ARB2A: variants seen among roughly 807,000 people sequenced by gnomAD.
The protein encoded by ARB2A is ARB2 cotranscriptional regulator A.
chr5:93,938,201 C>G, the ARB2A span, among the ~76,000 whole-genome samples: 1 of 152,046 alleles, frequency 6.6e-6, no homozygotes, highest in Non-Finnish European at 1.5e-5. Flanking sequence ...AATGCTTAAG[C>G]AAATAATTTA....
At chr5:93,928,619 T>C in the ARB2A span, among the ~76,000 whole-genome samples, 1 of 152,168 alleles carries the variant, frequency 6.6e-6, no homozygotes, top group Non-Finnish European at 1.5e-5. Context: ...TTTAAAAAGT[T>C]TTCCCCAGCT....
At chr5:93,904,085 G>A in the ARB2A span, among the ~76,000 whole-genome samples, 1 of 151,664 alleles carries the variant, frequency 6.6e-6, no homozygotes, top group Admixed American at 6.6e-5. Flanking sequence ...TTGAAAGGAA[G>A]GAAAGAAAAA....
At chr5:93,780,018 A>T in the ARB2A span, among the ~76,000 whole-genome samples, 1 of 152,212 alleles carries the variant, frequency 6.6e-6, no homozygotes, top group Non-Finnish European at 1.5e-5. Context: ...TAAAGAGAAA[A>T]GCAGGTAGTA....
At chr5:93,736,316 T>C in the ARB2A span, 2 of 152,194 alleles carry the variant, frequency 1.3e-5, no homozygotes, top group African/African-American at 4.8e-5. Flanking sequence ...AAAACTAAAG[T>C]TGTTACAATT....
the ARB2A span, among the ~76,000 whole-genome samples, chr5:93,988,280 C>G: frequency 6.6e-6 from 1 of 152,084 alleles, no homozygotes; most frequent in Non-Finnish European, 1.5e-5. Context: ...TCCCAGTGCC[C>G]CTAGAATAAT....
At chr5:93,718,553 T>G in the ARB2A span, among the ~76,000 whole-genome samples, 2 of 152,184 alleles carry the variant, frequency 1.3e-5, no homozygotes, top group South Asian at 4.1e-4. Context: ...ATGTAATGTA[T>G]GTTAAAGTAG....
At chr5:93,894,757 A>G in the ARB2A span, among the ~76,000 whole-genome samples, 2 of 152,168 alleles carry the variant, frequency 1.3e-5, no homozygotes, top group Admixed American at 6.6e-5. Flanking sequence ...CTACAAACTC[A>G]GCTGAGAGCC....
chr5:93,885,172 T>C, the ARB2A span, among the ~76,000 whole-genome samples: 1 of 151,536 alleles, frequency 6.6e-6, no homozygotes. Context: ...ACTCAATCAG[T>C]ACACAACAAA....
chr5:93,876,020 T>C, the ARB2A span, among the ~76,000 whole-genome samples: 2 of 152,212 alleles, frequency 1.3e-5, no homozygotes, highest in Admixed American at 1.3e-4. Context: ...ACAGATGCTT[T>C]AAAAAATAAT....
chr5:94,056,017 T>C, the ARB2A span: 12 of 679,746 alleles, frequency 1.8e-5, no homozygotes, highest in Middle Eastern at 7.7e-4. Flanking sequence ...TATTATCATA[T>C]TCACTGTCTT....
At chr5:93,740,637 G>C in the ARB2A span, 1 of 1,613,224 alleles carries the variant, frequency 6.2e-7, no homozygotes, top group Non-Finnish European at 8.5e-7. Context: ...CCCCTGCAGA[G>C]TAGAGACGTG....
At chr5:93,986,264 A>T in the ARB2A span, among the ~76,000 whole-genome samples, 1 of 145,998 alleles carries the variant, frequency 6.8e-6, no homozygotes. Context: ...TCCACCCAGC[A>T]GCCGCCCCAT....
the ARB2A span, among the ~76,000 whole-genome samples, chr5:93,757,471 G>A: frequency 6.6e-6 from 1 of 152,204 alleles, no homozygotes; most frequent in Non-Finnish European, 1.5e-5. Context: ...CTTAAGAGCT[G>A]TAAGACAGAA....
chr5:94,025,716 T>G, the ARB2A span, among the ~76,000 whole-genome samples: 1 of 152,256 alleles, frequency 6.6e-6, no homozygotes, highest in African/African-American at 2.4e-5. Context: ...TTTAAATAAC[T>G]GAATGAATGT....
the ARB2A span, among the ~76,000 whole-genome samples, chr5:93,763,886 T>G: frequency 6.6e-6 from 1 of 152,132 alleles, no homozygotes; most frequent in Non-Finnish European, 1.5e-5. Context: ...AACTCAGGAT[T>G]AGGAAACTCA....
At chr5:93,958,234 T>G in the ARB2A span, among the ~76,000 whole-genome samples, 1 of 152,074 alleles carries the variant, frequency 6.6e-6, no homozygotes, top group Non-Finnish European at 1.5e-5. Context: ...TGTCTATGTC[T>G]CATGCTTAAA....
At chr5:93,844,072 T>G in the ARB2A span, among the ~76,000 whole-genome samples, 22 of 150,782 alleles carry the variant, frequency 1.5e-4, no homozygotes, top group African/African-American at 4.9e-4. Flanking sequence ...TCAGAACAAT[T>G]TCGGACTTTT....
the ARB2A span, among the ~76,000 whole-genome samples, chr5:93,840,639 C>T: frequency 1.3e-5 from 2 of 152,134 alleles, no homozygotes; most frequent in East Asian, 1.9e-4. Context: ...TTCTTACTAC[C>T]CTAACACTAA....
At chr5:94,050,852 T>C in the ARB2A span, 8 of 1,495,622 alleles carry the variant, frequency 5.3e-6, no homozygotes, top group Non-Finnish European at 4.6e-6. Flanking sequence ...AAACAAACAA[T>C]ATTGCTATAC....
Sources: allele counts gnomAD v4.1 joint callset (sites outside exome capture counted in the v4.1 genomes callset), GRCh38; gene constraint gnomAD v4.1.1; transcripts MANE v1.5; gene names NCBI Gene and HGNC (gene_info 2026-07-23, HGNC 2026-07-21).